SLC2A5: variants seen among roughly 807,000 people sequenced by gnomAD.
SLC2A5 encodes solute carrier family 2, facilitated glucose transporter member 5.
In SLC2A5, 56 loss-of-function variants were observed where a neutral mutation model predicts 50.3. That is an observed-to-expected ratio of 1.11 (90% CI 0.90 to 1.39). The LOEUF is 1.39. Among genes scored for constraint, SLC2A5 ranks in the 40% most tolerant of loss-of-function variants. The probability of loss-of-function intolerance (pLI) is 0.00; values close to 1 mark genes in which losing one functional copy is unlikely to be tolerated. For synonymous variants in SLC2A5, 269 were observed against 281.9 expected (o/e 0.95, Z 0.46); for missense variants, 566 against 650.1 (o/e 0.87, Z 1.41).
At chr1:9,063,681 CTTTT>C (rs70985579) in intron 1 of SLC2A5, among the ~76,000 whole-genome samples, 8 of 45,142 alleles carry the variant, frequency 1.8e-4, no homozygotes, top group Non-Finnish European at 3.0e-4. Flanking sequence ...CTATTATTTA[CTTTT>C]TTTTTTTTTT....
chr1:9,069,648 C>G, upstream of SLC2A5: 1 of 1,135,568 alleles, frequency 8.8e-7, no homozygotes, highest in Non-Finnish European at 1.3e-6. Flanking sequence ...CAAATAACAG[C>G]CAATAGCATT....
chr1:9,045,870 CAAAAAAA>C (rs59265235), intron 4 of SLC2A5, among the ~76,000 whole-genome samples: 2 of 93,032 alleles, frequency 2.1e-5, no homozygotes, highest in Non-Finnish European at 4.2e-5. Context: ...AACTCCATCT[CAAAAAAA>C]AAAAAAAAAA....
chr1:9,045,501 A>T (rs566447866), intron 4 of SLC2A5, among the ~76,000 whole-genome samples: 4 of 152,170 alleles, frequency 2.6e-5, no homozygotes, highest in Non-Finnish European at 5.9e-5. Flanking sequence ...TCAATAGAAA[A>T]GTGATTGGAC....
chr1:9,053,098 TTATA>T (rs1025073053), intron 3 of SLC2A5, among the ~76,000 whole-genome samples: 1 of 112,616 alleles, frequency 8.9e-6, no homozygotes, highest in Non-Finnish European at 1.7e-5. Context: ...TAATATATAT[TTATA>T]TATAATATAT....
chr1:9,041,531 C>T, intron 5 of SLC2A5: 2 of 1,352,904 alleles, frequency 1.5e-6, no homozygotes, highest in East Asian at 2.7e-5. Context: ...GCAGGGAAGC[C>T]CATCACTCAA....
In SLC2A5 at chr1:9,058,239, A is replaced by G; in HGVS notation, c.45T>C (p.Leu15=). The stretch of plus-strand genomic sequence containing the variant: ...CTATCAGGGTTGCCAGGGCAAGCAC[A>G]AGCGTCAGCCTCTGCAGAGATCACA... ...DQSMKEGRLT[L]VLALATLIAA... The change falls in exon 2 of 12, where the codon CTT becomes CTC. Residue 15 remains leucine (L), a synonymous_variant. Coordinates refer to ENST00000377424, the MANE Select transcript of SLC2A5 (RefSeq NM_003039.3). 2 of 1,613,816 alleles carry G rather than the reference A, an allele frequency of 1.2e-6. No individual in the cohort carries two copies. The highest frequency in any genetic ancestry group is 1.7e-6 in the Non-Finnish European group (2 of 1,179,748).
rs749002799 is a variant in SLC2A5, at chr1:9,037,776, G to A, written c.1316C>T (p.Pro439Leu). ...CACGGCGAAGACAATGAAGCTGTACGGGCCGAGGCCCTCCTGCGGGAAGAG... is the reference window on the plus strand; with the variant it reads ...CACGGCGAAGACAATGAAGCTGTACAGGCCGAGGCCCTCCTGCGGGAAGAG... ...IFPFIQEGLG[P>L]YSFIVFAVIC... is the part of the protein sequence containing the mutation. Residue 439 changes from proline to leucine, a missense_variant, in exon 12 of 12, where the codon CCG becomes CTG. Transcript: ENST00000377424. 3.7e-6 allele frequency: 6 copies of A among 1,614,152 alleles called. No individual in the cohort carries two copies. The highest frequency in any genetic ancestry group is 1.6e-4 in the Middle Eastern group (1 of 6,062).
upstream of SLC2A5, among the ~76,000 whole-genome samples, chr1:9,092,235 CCT>C (rs1184414337): frequency 1.3e-5 from 2 of 152,092 alleles, no homozygotes; most frequent in Non-Finnish European, 2.9e-5. Flanking sequence ...CAACATATCC[CCT>C]CTTTTTATCC....
chr1:9,065,591 G>A lies in SLC2A5; in HGVS notation c.33+3913C>T, dbSNP rs536893892. Among the ~76,000 whole-genome samples the A allele has an allele frequency of 3.9e-5, 6 of 152,324 alleles. No homozygotes were observed. The East Asian group carries it at 7.7e-4, about 20-fold the overall frequency. ...AGAGATGAGCATCGTCAGCCGCTGCGGTGGTTTGGAGCACAGTTTCTGGAG... is the reference window on the plus strand; with the variant it reads ...AGAGATGAGCATCGTCAGCCGCTGCAGTGGTTTGGAGCACAGTTTCTGGAG... On this transcript the variant is annotated intron_variant, in intron 1 of 11. Coordinates refer to ENST00000377424, the MANE Select transcript of SLC2A5 (RefSeq NM_003039.3).
At chr1:9,081,529 C>T (rs991923893) in intron 2 of SLC2A5, among the ~76,000 whole-genome samples, 51 of 146,812 alleles carry the variant, frequency 3.5e-4, no homozygotes, top group Admixed American at 6.1e-4. Context: ...TTTTGCAAAT[C>T]GTATATCTTA....
Position 9,047,684 on chromosome 1 carries a change from A to C in SLC2A5, c.344T>G (p.Leu115Ter). ...NNIFSIVPAI[L>*]MGCSRVATSF... Reference sequence around the variant, plus strand: ...TGTGGCGACTCTGCTGCATCCCATTAAGATCGCAGGCACGATAGAAAATAT... The same window carrying C: ...TGTGGCGACTCTGCTGCATCCCATTCAGATCGCAGGCACGATAGAAAATAT... Residue 115 changes from leucine to a stop codon, truncating the protein, a stop_gained, in exon 4 of 12, where the codon TTA (leucine) becomes TGA (stop). Transcript: ENST00000377424. LOFTEE classifies it high-confidence loss of function. 6.2e-7 allele frequency: 1 copy of C among 1,614,012 alleles called. No individual in the cohort carries two copies. Among genetic ancestry groups the C allele is most frequent in the African/African-American group, 1.3e-5 (1 of 75,060 alleles).
At chr1:9,088,673 C>G (rs908424445), upstream of SLC2A5, among the ~76,000 whole-genome samples, 1 of 152,178 alleles carries the variant, frequency 6.6e-6, no homozygotes, top group African/African-American at 2.4e-5. Context: ...GTCCCAGCTA[C>G]TCAGGAGGCT....
intron 1 of SLC2A5, among the ~76,000 whole-genome samples, chr1:9,086,222 T>C (rs1642400255): frequency 6.6e-6 from 1 of 152,176 alleles, no homozygotes; most frequent in Admixed American, 6.5e-5. Flanking sequence ...CCCGATGGGT[T>C]CTTTCTGCCC....
chr1:9,078,205 A>AT (rs1343451913), intron 2 of SLC2A5, among the ~76,000 whole-genome samples: 4 of 152,100 alleles, frequency 2.6e-5, no homozygotes, highest in Non-Finnish European at 5.9e-5. Context: ...ATGTATTATA[A>AT]TTAGCATATA....
In SLC2A5 at chr1:9,060,086, TACACACACA is replaced by T. The variant is rs1312185220; in HGVS notation, c.34-1845_34-1837del. ...CAATACACACACTACACACACACAC[TACACACACA>T]ACACACACAATACACACACACTATA... On this transcript the variant is annotated intron_variant, in intron 1 of 11. Coordinates refer to ENST00000377424, the MANE Select transcript of SLC2A5 (RefSeq NM_003039.3). 1.4e-4 allele frequency among the ~76,000 whole-genome samples: 13 copies of T among 92,542 alleles called. No homozygotes were observed. The South Asian group carries it at 2.9e-3, about 20-fold the overall frequency. The allele number at this position is 92,542 out of a possible 152,430, so 60.7% of individuals were successfully genotyped here.
chr1:9,070,344 G>A (rs1569911487), upstream of SLC2A5, among the ~76,000 whole-genome samples: 4 of 152,224 alleles, frequency 2.6e-5, 1 homozygote, highest in Admixed American at 2.6e-4. Flanking sequence ...GCCTCCCAAA[G>A]TGCTGGGATT....
chr1:9,068,224 A>G (rs551279211), intron 1 of SLC2A5, among the ~76,000 whole-genome samples: 1 of 149,838 alleles, frequency 6.7e-6, no homozygotes, highest in Non-Finnish European at 1.5e-5. Context: ...GAGAGAGAGA[A>G]AGAAAAGTAG....
chr1:9,060,773 G>A (rs141442789), intron 1 of SLC2A5, among the ~76,000 whole-genome samples: 1 of 149,870 alleles, frequency 6.7e-6, no homozygotes, highest in African/African-American at 2.5e-5. Flanking sequence ...CATCTGATTC[G>A]CTCTGTGTAT....
chr1:9,078,960 G>A (rs1336070284), intron 2 of SLC2A5, among the ~76,000 whole-genome samples: 1 of 152,168 alleles, frequency 6.6e-6, no homozygotes, highest in Non-Finnish European at 1.5e-5. Context: ...GGCACAGGCA[G>A]TGTATCTCGT....
Sources: gnomAD v4.1 joint callset for allele counts (sites outside exome capture counted in the v4.1 genomes callset) on GRCh38, gnomAD v4.1.1 for gene constraint, MANE v1.5 for transcripts, NCBI Gene and HGNC (gene_info 2026-07-23, HGNC 2026-07-21) for gene names.